The following HMGN5 variants were observed in gnomAD, a reference collection of about 807,000 sequenced individuals.
HMGN5 encodes high mobility group nucleosome binding domain 5.
In HMGN5, 4 loss-of-function variants were observed where a neutral mutation model predicts 9.5. That is an observed-to-expected ratio of 0.42 (90% CI 0.21 to 0.96). HMGN5 has a LOEUF of 0.96. HMGN5 is among the 40% of genes least tolerant of loss of function. The probability of loss-of-function intolerance (pLI) is 0.30; values close to 1 mark genes in which losing one functional copy is unlikely to be tolerated. For missense variants in HMGN5, 192 were observed against 187.5 expected (o/e 1.02, Z -0.14); for synonymous variants, 55 against 57.1 (o/e 0.96, Z 0.16).
intron 1 of HMGN5, among the ~76,000 whole-genome samples, chrX:81,128,729 A>T (rs2075291148): frequency 9.0e-6 from 1 of 111,634 alleles, no homozygotes; most frequent in Non-Finnish European, 1.9e-5. Flanking sequence ...AAAAATATTA[A>T]TATTTGTATA....
At chrX:81,168,800 A>G (rs1486214619) in intron 1 of HMGN5, among the ~76,000 whole-genome samples, 1 of 111,864 alleles carries the variant, frequency 8.9e-6, no homozygotes, top group East Asian at 2.8e-4. Context: ...CTATAAATTA[A>G]TTGGGGAGAA....
intron 1 of HMGN5, among the ~76,000 whole-genome samples, chrX:81,150,037 C>A (rs2075356445): frequency 1.8e-5 from 2 of 111,963 alleles, no homozygotes; most frequent in Non-Finnish European, 3.8e-5. Context: ...TAGACTTAAT[C>A]TGCACTATAT....
chrX:81,199,108 T>C (rs1829803932), intron 1 of HMGN5, among the ~76,000 whole-genome samples: 1 of 111,685 alleles, frequency 9.0e-6, no homozygotes, highest in South Asian at 3.7e-4. Context: ...AGCCAAATCA[T>C]GAGTGAACTC....
At position 81,114,396 on chromosome X, in the gene HMGN5, C is replaced by A; in HGVS notation, c.*253G>T. On this transcript the variant is annotated 3_prime_UTR_variant, in exon 7 of 7. Coordinates refer to ENST00000358130, the MANE Select transcript of HMGN5 (RefSeq NM_030763.3). ...TCAAAGATTTGACATATAACTTACACAACACGAAATTCACTCACAAAGTTG... is the reference window on the plus strand; with the variant it reads ...TCAAAGATTTGACATATAACTTACAAAACACGAAATTCACTCACAAAGTTG... The A allele has an allele frequency of 4.3e-6, 1 of 234,673 alleles. No individual in the cohort carries two copies. Among genetic ancestry groups the A allele is most frequent in the Non-Finnish European group, 7.6e-6 (1 of 131,915 alleles). The allele number at this position is 234,673 out of a possible 1,213,427, so 19.3% of individuals were successfully genotyped here. A position where few individuals can be genotyped will look rare whatever the true frequency, so the allele number is the denominator to read the frequency against.
chrX:81,158,488 C>T (rs753939102), intron 1 of HMGN5, among the ~76,000 whole-genome samples: 1 of 112,214 alleles, frequency 8.9e-6, no homozygotes, highest in East Asian at 2.8e-4. Context: ...ATTATCTGTT[C>T]ATGTCCTTTG....
intron 1 of HMGN5, among the ~76,000 whole-genome samples, chrX:81,156,590 T>TA (rs201498107): frequency 0.013 from 1,445 of 112,016 alleles, 21 homozygotes; most frequent in African/African-American, 0.044. Flanking sequence ...CCACAGCACT[T>TA]ATCACTTTCA....
rs1465483947 is a variant in HMGN5, at chrX:81,114,714, C to T, written c.784G>A (p.Gly262Arg). The change falls in exon 7 of 7, where the codon GGA becomes AGA. Residue 262 changes from glycine to arginine, a missense_variant. By Grantham distance (125) the Gly-to-Arg change is moderately radical (BLOSUM62 -2). Coordinates refer to ENST00000358130, the MANE Select transcript of HMGN5 (RefSeq NM_030763.3). ...TCTTTGATCTCATCTTCCTCTTTTC[C>T]TTCTTCCTCTTCTTTTAAATCTTCT... is the stretch of plus-strand genomic sequence containing the variant. ...EKEDLKEEEE[G>R]KEEDEIKEDD... 6.4e-5 allele frequency: 74 copies of T among 1,151,581 alleles called. No individual in the cohort carries two copies. Among genetic ancestry groups the T allele is most frequent in the Non-Finnish European group, 8.3e-5 (72 of 867,156 alleles). The allele number at this position is 1,151,581 out of a possible 1,213,427, so 94.9% of individuals were successfully genotyped here.
At chrX:81,199,462 T>C (rs1177890331) in intron 1 of HMGN5, among the ~76,000 whole-genome samples, 1 of 112,622 alleles carries the variant, frequency 8.9e-6, no homozygotes, top group Admixed American at 9.3e-5. Flanking sequence ...GGCATCATGC[T>C]ACCTGACTTC....
chrX:81,125,302 G>T (rs1318049569), intron 1 of HMGN5, among the ~76,000 whole-genome samples: 1 of 111,214 alleles, frequency 9.0e-6, no homozygotes, highest in Non-Finnish European at 1.9e-5. Context: ...AATAATGCAA[G>T]AATTCTATCA....
chrX:81,156,546 A>T (rs750498851), intron 1 of HMGN5, among the ~76,000 whole-genome samples: 1 of 111,799 alleles, frequency 8.9e-6, no homozygotes, highest in African/African-American at 3.2e-5. Context: ...TTGAAAAATA[A>T]TCTCTGTATT....
intron 1 of HMGN5, among the ~76,000 whole-genome samples, chrX:81,180,670 T>A (rs777710543): frequency 8.9e-6 from 1 of 111,932 alleles, no homozygotes; most frequent in South Asian, 3.7e-4. Context: ...GAACTAGAAA[T>A]ATCATTTGAC....
intron 1 of HMGN5, among the ~76,000 whole-genome samples, chrX:81,166,895 T>C (rs2075412625): frequency 9.0e-6 from 1 of 111,497 alleles, no homozygotes; most frequent in Admixed American, 9.5e-5. Flanking sequence ...GCCATTTCAG[T>C]ATAATTGCTG....
Position 81,121,556 on chromosome X carries a change from A to C in HMGN5, c.-7T>G. ...TTACCTTTCTTTTGGGCATTGTTGT[A>C]GCTCTCTATAGGAGATCTTAGTCAG... is the stretch of plus-strand genomic sequence containing the variant. On this transcript the variant is annotated 5_prime_UTR_variant, in exon 2 of 7. Transcript: ENST00000358130. 1 of 1,195,024 alleles carries C rather than the reference A, an allele frequency of 8.4e-7. No individual in the cohort carries two copies. Among genetic ancestry groups the C allele is most frequent in the Non-Finnish European group, 1.1e-6 (1 of 886,292 alleles).
chrX:81,187,262 T>C (rs750438934), intron 1 of HMGN5, among the ~76,000 whole-genome samples: 42 of 111,596 alleles, frequency 3.8e-4, no homozygotes, highest in Non-Finnish European at 6.8e-4. Flanking sequence ...TGATTTTCTT[T>C]CTGGAAGAGC....
intron 1 of HMGN5, among the ~76,000 whole-genome samples, chrX:81,153,175 A>G (rs1470402165): frequency 9.2e-6 from 1 of 109,208 alleles, no homozygotes; most frequent in East Asian, 2.9e-4. Context: ...AAAATAAAAA[A>G]AGAAAACTAT....
intron 1 of HMGN5, among the ~76,000 whole-genome samples, chrX:81,122,117 G>T (rs2075270964): frequency 8.9e-6 from 1 of 112,239 alleles, no homozygotes; most frequent in South Asian, 3.7e-4. Flanking sequence ...GCGGGATGGT[G>T]TTGAACCGAC....
At chrX:81,189,292 T>A (rs930312822) in intron 1 of HMGN5, among the ~76,000 whole-genome samples, 16 of 111,844 alleles carry the variant, frequency 1.4e-4, no homozygotes, top group African/African-American at 4.5e-4. Context: ...ATTTTCTAGA[T>A]CCTGTAGGTG....
At chrX:81,155,768 C>T (rs1257040349) in intron 1 of HMGN5, among the ~76,000 whole-genome samples, 1 of 111,534 alleles carries the variant, frequency 9.0e-6, no homozygotes, top group African/African-American at 3.3e-5. Flanking sequence ...TGGGAAGGAG[C>T]TGGGGGCAGT....
chrX:81,122,767 G>A (rs1461903453), intron 1 of HMGN5, among the ~76,000 whole-genome samples: 1 of 111,476 alleles, frequency 9.0e-6, no homozygotes, highest in African/African-American at 3.3e-5. Context: ...GGTGACTTTC[G>A]ACTGTAAGAG....
Sources: gnomAD v4.1 joint callset for allele counts (sites outside exome capture counted in the v4.1 genomes callset) on GRCh38, gnomAD v4.1.1 for gene constraint, MANE v1.5 for transcripts, NCBI Gene and HGNC (gene_info 2026-07-23, HGNC 2026-07-21) for gene names.